DOCK8: variants seen among roughly 807,000 people sequenced by gnomAD.
DOCK8 encodes dedicator of cytokinesis protein 8.
A neutral mutation model predicts 245.6 loss-of-function variants in DOCK8; 141 were observed. The ratio of observed to expected loss-of-function variants is 0.57; its 90% CI spans 0.50 to 0.66. DOCK8 has a LOEUF of 0.66. DOCK8 is among the 30% of genes least tolerant of loss of function. The pLI, the probability that DOCK8 is intolerant of heterozygous loss-of-function variation, is 0.00. For missense variants in DOCK8, 2,965 were observed against 2,603.4 expected (o/e 1.14, Z -3.02); for synonymous variants, 1,168 against 970.2 (o/e 1.20, Z -3.79).
chr9:231,835 A>T lies in DOCK8; in HGVS notation c.53+16806A>T, dbSNP rs529613215. Reference sequence around the variant, plus strand: ...GGGTTTTCAAGATATAAATCATGTCATCTGCAAACAGGGACAATTTGACTT... The same window carrying T: ...GGGTTTTCAAGATATAAATCATGTCTTCTGCAAACAGGGACAATTTGACTT... On this transcript the variant is annotated intron_variant, in intron 1 of 47. Coordinates refer to ENST00000432829, the MANE Select transcript of DOCK8 (RefSeq NM_203447.4). 9.8e-5 allele frequency among the ~76,000 whole-genome samples: 15 copies of T among 152,302 alleles called. 1 individual carries two copies. The South Asian group carries it at 1.9e-3, about 19-fold the overall frequency.
chr9:302,740 GA>G (rs1217006137), intron 4 of DOCK8, among the ~76,000 whole-genome samples: 10 of 152,174 alleles, frequency 6.6e-5, no homozygotes, highest in African/African-American at 2.2e-4. Context: ...AAAAATATAT[GA>G]AAAAATGCTT....
At chr9:310,562 G>C (rs553664045) in intron 5 of DOCK8, among the ~76,000 whole-genome samples, 1 of 152,234 alleles carries the variant, frequency 6.6e-6, no homozygotes, top group Admixed American at 6.5e-5. Context: ...GGGTTCAAGC[G>C]ATTCTCCTGC....
intron 3 of DOCK8, among the ~76,000 whole-genome samples, chr9:289,217 A>T (rs1168899094): frequency 3.3e-5 from 5 of 152,242 alleles, no homozygotes; most frequent in Non-Finnish European, 7.3e-5. Context: ...GAATACAGCT[A>T]GTTCTACCTG....
At chr9:358,521 G>C (rs954452101) in intron 14 of DOCK8, among the ~76,000 whole-genome samples, 62 of 152,338 alleles carry the variant, frequency 4.1e-4, no homozygotes, top group African/African-American at 1.5e-3. Flanking sequence ...TATGTACACA[G>C]AATGTTTATT....
intron 1 of DOCK8, among the ~76,000 whole-genome samples, chr9:243,637 C>G (rs1321642393): frequency 1.3e-5 from 2 of 152,076 alleles, no homozygotes; most frequent in Non-Finnish European, 2.9e-5. Context: ...TGCAGCGGTC[C>G]CAACTGCCAA....
At chr9:401,431 G>T (rs2055095732) in intron 26 of DOCK8, among the ~76,000 whole-genome samples, 1 of 152,138 alleles carries the variant, frequency 6.6e-6, no homozygotes, top group Admixed American at 6.5e-5. Flanking sequence ...AGATCTGGGT[G>T]AGGCTGCTCC....
intron 28 of DOCK8, 91 bp from the exon 29 acceptor site, chr9:414,691 T>A: frequency 6.6e-7 from 1 of 1,511,700 alleles, no homozygotes; most frequent in Non-Finnish European, 9.2e-7. Flanking sequence ...CCTCATTGCT[T>A]AGGAGCGTTT....
chr9:336,664 G>A lies in DOCK8; in HGVS notation c.1368G>A (p.Gly456=). 1.2e-6 allele frequency: 2 copies of A among 1,614,092 alleles called. No homozygotes were observed. The highest frequency in any genetic ancestry group is 1.7e-6 in the Non-Finnish European group (2 of 1,179,998). ...SERALSLEEN[G]VGSNFKTSTL... Reference sequence around the variant, plus strand: ...GAGCCCTCTCCTTGGAGGAAAATGGGGTTGGATCCAACTTCAAAACCTCCA... The same window carrying A: ...GAGCCCTCTCCTTGGAGGAAAATGGAGTTGGATCCAACTTCAAAACCTCCA... Residue 456 remains glycine, a synonymous_variant, in exon 12 of 48, where the codon GGG becomes GGA. Transcript: ENST00000432829.
chr9:251,269 C>CA (rs1337869652), intron 1 of DOCK8, among the ~76,000 whole-genome samples: 1 of 152,058 alleles, frequency 6.6e-6, no homozygotes, highest in African/African-American at 2.4e-5. Context: ...ACAAACTACA[C>CA]AAAAAGAGAA....
intron 33 of DOCK8, among the ~76,000 whole-genome samples, chr9:424,582 G>A (rs1049270267): frequency 6.6e-6 from 1 of 151,878 alleles, no homozygotes; most frequent in African/African-American, 2.4e-5. Flanking sequence ...CTTACTTTTT[G>A]TATTTTTTGT....
rs540266063 is a variant in DOCK8, at chr9:258,592, C to CTTT, written c.54-13014_54-13012dup. 1.3e-3 allele frequency among the ~76,000 whole-genome samples: 129 copies of CTTT among 100,284 alleles called. 1 individual carries two copies. Among genetic ancestry groups the CTTT allele is most frequent in the Admixed American group, 2.0e-3 (16 of 8,080 alleles). The allele number at this position is 100,284 out of a possible 152,430, so 65.8% of individuals were successfully genotyped here. A position where few individuals can be genotyped will look rare whatever the true frequency, so the allele number is the denominator to read the frequency against. On this transcript the variant is annotated intron_variant, in intron 1 of 47. Transcript: ENST00000432829. ...ATGATGAAAGGAGCCTGAAGAGACT[C>CTTT]TTTTTTTTTTTTTTTTTTTTTTTGA... is the stretch of plus-strand genomic sequence containing the variant.
In DOCK8 at chr9:449,930, A is replaced by C. The variant is rs574408385; in HGVS notation, c.5961+3A>C. On this transcript the variant is annotated splice_donor_region_variant and intron_variant, in intron 45 of 47. Coordinates refer to ENST00000432829, the MANE Select transcript of DOCK8 (RefSeq NM_203447.4). ...CTGTGGGAGCTACTGTAAATCAGGT[A>C]AGCAAAACCAGAGGTGGCAGCTCCT... The C allele has an allele frequency of 6.2e-7, 1 of 1,613,760 alleles. No homozygotes were observed. Among genetic ancestry groups the C allele is most frequent in the East Asian group, 2.2e-5 (1 of 44,886 alleles).
chr9:284,558 A>G (rs2048729657), intron 2 of DOCK8: 1 of 152,178 alleles, frequency 6.6e-6, no homozygotes, highest in Non-Finnish European at 1.5e-5. Flanking sequence ...TTGCCATGGC[A>G]TAGGATAATG....
rs1399918390 is a variant in DOCK8, at chr9:368,010, T to C, written c.1680-8T>C. Reference sequence around the variant, plus strand: ...TTTTTCATTGATTCTTTATCTCTTCTTTTCCAGAAACCTTCTCTATGTCTA... The same window carrying C: ...TTTTTCATTGATTCTTTATCTCTTCCTTTCCAGAAACCTTCTCTATGTCTA... On this transcript the variant is annotated splice_region_variant and splice_polypyrimidine_tract_variant and intron_variant, in intron 14 of 47. Coordinates refer to ENST00000432829, the MANE Select transcript of DOCK8 (RefSeq NM_203447.4). 2 of 1,605,664 alleles carry C rather than the reference T, an allele frequency of 1.2e-6. No homozygotes were observed. Among genetic ancestry groups the C allele is most frequent in the Non-Finnish European group, 1.7e-6 (2 of 1,172,348 alleles).
intron 1 of DOCK8, among the ~76,000 whole-genome samples, chr9:248,436 C>T (rs1019616335): frequency 1.4e-5 from 2 of 145,614 alleles, no homozygotes; most frequent in Non-Finnish European, 3.1e-5. Context: ...TCCCTTCCTT[C>T]TGTCTTTCCC....
intron 33 of DOCK8, among the ~76,000 whole-genome samples, chr9:425,538 C>T (rs78886621): frequency 5.0e-4 from 27 of 54,378 alleles, no homozygotes; most frequent in Non-Finnish European, 9.6e-4. Flanking sequence ...GACTCCGTCT[C>T]AAAAAAAAAA....
chr9:376,371 A>G, intron 19 of DOCK8, 66 bp downstream of exon 19: 3 of 1,112,320 alleles, frequency 2.7e-6, no homozygotes, highest in African/African-American at 1.5e-5. Flanking sequence ...AGGACAGGCC[A>G]ATAAAAGATC....
intron 20 of DOCK8, among the ~76,000 whole-genome samples, chr9:378,768 G>A (rs1355263792): frequency 6.6e-6 from 1 of 152,242 alleles, no homozygotes; most frequent in Non-Finnish European, 1.5e-5. Context: ...ATAAGTGGAG[G>A]TGGCTAGTCT....
intron 25 of DOCK8, among the ~76,000 whole-genome samples, chr9:397,222 C>T (rs1343319016): frequency 6.6e-6 from 1 of 151,550 alleles, no homozygotes; most frequent in East Asian, 1.9e-4. Context: ...CATGGTTGTG[C>T]ATATCTGTAA....
Sources: gnomAD v4.1 joint callset for allele counts (sites outside exome capture counted in the v4.1 genomes callset) on GRCh38, gnomAD v4.1.1 for gene constraint, MANE v1.5 for transcripts, NCBI Gene and HGNC (gene_info 2026-07-23, HGNC 2026-07-21) for gene names.